The following SSBP2 variants were observed in gnomAD, a reference collection of about 807,000 sequenced individuals.
The protein encoded by SSBP2 is single-stranded DNA-binding protein 2.
A neutral mutation model predicts 61.8 loss-of-function variants in SSBP2; 17 were observed. The ratio of observed to expected loss-of-function variants is 0.28; its 90% CI spans 0.19 to 0.41. SSBP2 has a LOEUF of 0.41. SSBP2 is among the 10% of genes least tolerant of loss of function. The pLI is 1.00. For missense variants in SSBP2, 310 were observed against 458.7 expected (o/e 0.68, Z 2.96); for synonymous variants, 139 against 141.3 (o/e 0.98, Z 0.12).
At chr5:81,719,515 T>C (rs1015535636) in intron 1 of SSBP2, among the ~76,000 whole-genome samples, 2 of 152,138 alleles carry the variant, frequency 1.3e-5, no homozygotes, top group African/African-American at 4.8e-5. Context: ...TGAGCTTGAA[T>C]TGAGGCTTAG....
intron 1 of SSBP2, among the ~76,000 whole-genome samples, chr5:81,728,467 G>T (rs938744864): frequency 2.0e-5 from 3 of 152,042 alleles, no homozygotes; most frequent in Admixed American, 1.3e-4. Flanking sequence ...GAGAACATTG[G>T]TCGAGGAGTC....
rs1346246840 is a variant in SSBP2 at position 81,417,127 on chromosome 5, G to A, written c.*3377C>T. On this transcript the variant is annotated 3_prime_UTR_variant, in exon 17 of 17. Transcript: ENST00000320672. ...TGATCTGCCCACCTTGGCCTCCCAA[G>A]TGCTGGGATTACAGGCATGAGTGCC... 1 of 152,218 alleles carries A rather than the reference G, an allele frequency of 6.6e-6. No homozygotes were observed. Among genetic ancestry groups the A allele is most frequent in the Admixed American group, 6.5e-5 (1 of 15,268 alleles). 9.4% of individuals were successfully genotyped at this position (152,218 alleles called of 1,614,324 possible). A position where few individuals can be genotyped will look rare whatever the true frequency, so the allele number is the denominator to read the frequency against.
intron 5 of SSBP2, among the ~76,000 whole-genome samples, chr5:81,498,142 G>A (rs1198005783): frequency 6.6e-6 from 1 of 151,988 alleles, no homozygotes; most frequent in African/African-American, 2.4e-5. Flanking sequence ...CAGCATTTGA[G>A]TAAAAACATA....
At chr5:81,635,020 T>C (rs554100696) in intron 3 of SSBP2, among the ~76,000 whole-genome samples, 66 of 152,362 alleles carry the variant, frequency 4.3e-4, no homozygotes, top group African/African-American at 1.6e-3. Flanking sequence ...TATTCACTGG[T>C]GTGTCCACAG....
chr5:81,528,949 T>G (rs996137062), intron 4 of SSBP2, among the ~76,000 whole-genome samples: 1 of 152,096 alleles, frequency 6.6e-6, no homozygotes, highest in African/African-American at 2.4e-5. Context: ...ACTGATTTAT[T>G]AAATAGACTA....
intron 4 of SSBP2, among the ~76,000 whole-genome samples, chr5:81,532,018 G>A (rs181048425): frequency 6.6e-6 from 1 of 152,166 alleles, no homozygotes; most frequent in Non-Finnish European, 1.5e-5. Flanking sequence ...GTTATTGAGA[G>A]GAAATGGAAT....
intron 2 of SSBP2, among the ~76,000 whole-genome samples, chr5:81,649,646 T>C (rs756748754): frequency 6.6e-6 from 1 of 151,726 alleles, no homozygotes; most frequent in African/African-American, 2.4e-5. Flanking sequence ...GAGGGGAACA[T>C]GAATGGAAAA....
At position 81,718,967 on chromosome 5, in the gene SSBP2, T is replaced by C. The variant is rs146714737; in HGVS notation, c.62+32014A>G. Among the ~76,000 whole-genome samples the C allele has an allele frequency of 2.2e-3, 335 of 152,324 alleles. 2 individuals are homozygous for C. The highest frequency in any genetic ancestry group is 7.6e-3 in the African/African-American group (316 of 41,580). ...TTACATAAATATCTCACTTAAAATA[T>C]AACTAACGAACACTAAATTTTTGGG... is the stretch of plus-strand genomic sequence containing the variant. On this transcript the variant is annotated intron_variant, in intron 1 of 16. Coordinates refer to ENST00000320672, the MANE Select transcript of SSBP2 (RefSeq NM_012446.5).
intron 3 of SSBP2, among the ~76,000 whole-genome samples, chr5:81,622,998 T>C (rs1053266201): frequency 2.6e-5 from 4 of 151,382 alleles, no homozygotes; most frequent in African/African-American, 9.7e-5. Flanking sequence ...TTTAGGAGAG[T>C]GAAAGTTATA....
At chr5:81,579,689 A>G (rs1774496141) in intron 4 of SSBP2, among the ~76,000 whole-genome samples, 1 of 152,106 alleles carries the variant, frequency 6.6e-6, no homozygotes. Flanking sequence ...CACAGCACTC[A>G]GCCCTTCCAC....
intron 3 of SSBP2, among the ~76,000 whole-genome samples, chr5:81,618,036 C>A (rs1095612): frequency 1.9e-5 from 2 of 105,996 alleles, no homozygotes; most frequent in Non-Finnish European, 4.2e-5. Context: ...AGGAAGAAAC[C>A]GCATCAACCA....
At chr5:81,561,011 A>G (rs1377821901) in intron 4 of SSBP2, among the ~76,000 whole-genome samples, 1 of 152,194 alleles carries the variant, frequency 6.6e-6, no homozygotes, top group Non-Finnish European at 1.5e-5. Context: ...TGCTGACTTT[A>G]ACACTATCCT....
chr5:81,715,059 G>GA (rs1173225813), intron 1 of SSBP2, among the ~76,000 whole-genome samples: 1 of 151,920 alleles, frequency 6.6e-6, no homozygotes, highest in East Asian at 1.9e-4. Context: ...ATATTTAAGA[G>GA]AAAAGATAAT....
chr5:81,723,019 A>G (rs992194567), intron 1 of SSBP2, among the ~76,000 whole-genome samples: 6 of 151,952 alleles, frequency 3.9e-5, no homozygotes, highest in Non-Finnish European at 4.4e-5. Context: ...TATATTCTCC[A>G]TGTGAAAAAT....
At chr5:81,498,567 A>G (rs1368510045) in intron 5 of SSBP2, among the ~76,000 whole-genome samples, 1 of 152,076 alleles carries the variant, frequency 6.6e-6, no homozygotes, top group Non-Finnish European at 1.5e-5. Flanking sequence ...ATAAAAATAC[A>G]TTTACTATAA....
chr5:81,710,951 T>C (rs987694918), intron 1 of SSBP2, among the ~76,000 whole-genome samples: 1 of 152,036 alleles, frequency 6.6e-6, no homozygotes, highest in East Asian at 1.9e-4. Flanking sequence ...CTTTAACATA[T>C]CACCATAAAT....
chr5:81,585,793 T>A (rs1265158235), intron 4 of SSBP2, among the ~76,000 whole-genome samples: 2 of 152,180 alleles, frequency 1.3e-5, no homozygotes, highest in East Asian at 3.8e-4. Context: ...TTAGATCCTT[T>A]GACCAGCATC....
chr5:81,497,781 T>C lies in SSBP2; in HGVS notation c.373-8472A>G, dbSNP rs2154065926. On this transcript the variant is annotated intron_variant, in intron 5 of 16. Transcript: ENST00000320672. ...TCATTCTCTCCTGCTTTCAGGTTTC[T>C]CTTACTGTTTCTGGGTGACAGGGTT... is the stretch of plus-strand genomic sequence containing the variant. Among the ~76,000 whole-genome samples the C allele has an allele frequency of 1.3e-5, 2 of 152,294 alleles. 1 individual carries two copies.
intron 4 of SSBP2, among the ~76,000 whole-genome samples, chr5:81,529,566 G>T (rs999917055): frequency 2.0e-5 from 3 of 152,022 alleles, no homozygotes; most frequent in Admixed American, 2.0e-4. Context: ...TATTGTAAAT[G>T]GTAGAGAATT....
Sources: gnomAD v4.1 joint callset for allele counts (sites outside exome capture counted in the v4.1 genomes callset) on GRCh38, gnomAD v4.1.1 for gene constraint, MANE v1.5 for transcripts, NCBI Gene and HGNC (gene_info 2026-07-23, HGNC 2026-07-21) for gene names.